DPH6: variants seen among roughly 807,000 people sequenced by gnomAD.
DPH6 encodes the protein diphthamine biosynthesis 6.
Under a neutral mutation model 38.2 loss-of-function variants are expected in DPH6, and 33 were observed. The ratio of observed to expected loss-of-function variants is 0.86; its 90% CI spans 0.65 to 1.15. DPH6 has a LOEUF of 1.15. Ranked by LOEUF, DPH6 falls within the 50% of genes most tolerant of loss-of-function variation. DPH6 has a pLI of 0.00. For synonymous variants in DPH6, 108 were observed against 103.0 expected (o/e 1.05, Z -0.30); for missense variants, 325 against 320.0 (o/e 1.02, Z -0.12).
chr15:35,286,317 T>G (rs1464795631), intron 3 of DPH6, among the ~76,000 whole-genome samples: 1 of 152,220 alleles, frequency 6.6e-6, no homozygotes, highest in African/African-American at 2.4e-5. Flanking sequence ...TTTAGCTACC[T>G]CTTCATTTTC....
At chr15:35,431,226 C>G (rs1488762740) in intron 5 of DPH6, among the ~76,000 whole-genome samples, 1 of 152,156 alleles carries the variant, frequency 6.6e-6, no homozygotes, top group Non-Finnish European at 1.5e-5. Context: ...AAAAGTCATT[C>G]ATAATTACCC....
intron 3 of DPH6, among the ~76,000 whole-genome samples, chr15:35,529,691 T>C (rs933810867): frequency 1.3e-5 from 2 of 152,174 alleles, no homozygotes; most frequent in African/African-American, 4.8e-5. Flanking sequence ...ATGTTTTTAC[T>C]TTCCAATACT....
chr15:35,500,770 G>T (rs935660287), intron 3 of DPH6, among the ~76,000 whole-genome samples: 2 of 152,090 alleles, frequency 1.3e-5, no homozygotes, highest in East Asian at 1.9e-4. Flanking sequence ...ATTCTGTTTT[G>T]TTGTTGTTGT....
At chr15:35,180,024 A>C in the DPH6 span, among the ~76,000 whole-genome samples, 1 of 152,182 alleles carries the variant, frequency 6.6e-6, no homozygotes, top group African/African-American at 2.4e-5. Flanking sequence ...AGGGGCAAAA[A>C]GCAAGGCTCT....
At chr15:35,387,893 G>T (rs553296433) in intron 6 of DPH6, among the ~76,000 whole-genome samples, 2 of 152,106 alleles carry the variant, frequency 1.3e-5, no homozygotes, top group Non-Finnish European at 1.5e-5. Context: ...AATAGGAGTG[G>T]TGAGAGAGGG....
At chr15:35,151,813 G>A in the DPH6 span, among the ~76,000 whole-genome samples, 1 of 152,206 alleles carries the variant, frequency 6.6e-6, no homozygotes, top group African/African-American at 2.4e-5. Context: ...TGAAGTCTAT[G>A]CTAATCATAC....
intron 3 of DPH6, among the ~76,000 whole-genome samples, chr15:35,357,304 G>A (rs568178928): frequency 3.3e-5 from 5 of 152,288 alleles, no homozygotes; most frequent in East Asian, 1.9e-4. Context: ...ACCACTGTCC[G>A]ACACTCCCCA....
chr15:35,187,820 T>C, the DPH6 span, among the ~76,000 whole-genome samples: 8 of 152,096 alleles, frequency 5.3e-5, no homozygotes, highest in Non-Finnish European at 1.0e-4. Context: ...ACCCTGTTTC[T>C]AATTTACAAA....
At chr15:35,209,411 C>T in the DPH6 span, among the ~76,000 whole-genome samples, 4 of 152,072 alleles carry the variant, frequency 2.6e-5, no homozygotes, top group African/African-American at 9.7e-5. Context: ...ACTTTTGATA[C>T]CTGTGGGATA....
chr15:35,290,711 C>A lies in DPH6; in HGVS notation n.201-70129G>T, dbSNP rs185775690. 3.3e-5 allele frequency among the ~76,000 whole-genome samples: 5 copies of A among 152,276 alleles called. No individual in the cohort carries two copies. The East Asian group carries it at 9.7e-4, about 29-fold the overall frequency. ...GCTACAAATAATTACCCACTTCCGTCCCCCTTTCTGCCACTTAAAGCATCC... is the reference window on the plus strand; with the variant it reads ...GCTACAAATAATTACCCACTTCCGTACCCCTTTCTGCCACTTAAAGCATCC... On this transcript the variant is annotated intron_variant and non_coding_transcript_variant, in intron 3 of 3. Coordinates refer to the DPH6 transcript ENST00000560386.
intron 3 of DPH6, among the ~76,000 whole-genome samples, chr15:35,288,305 G>T (rs976042353): frequency 6.6e-6 from 1 of 152,108 alleles, no homozygotes; most frequent in African/African-American, 2.4e-5. Context: ...TAGGAAAAAG[G>T]AAAGGTTTAC....
intron 3 of DPH6, among the ~76,000 whole-genome samples, chr15:35,303,294 T>A (rs1007386947): frequency 6.6e-6 from 1 of 151,934 alleles, no homozygotes; most frequent in Non-Finnish European, 1.5e-5. Flanking sequence ...TGTAGTCAGA[T>A]GAAAGTAATA....
intron 3 of DPH6, among the ~76,000 whole-genome samples, chr15:35,313,298 C>T (rs2140829924): frequency 6.7e-6 from 1 of 150,018 alleles, no homozygotes; most frequent in African/African-American, 2.5e-5. Flanking sequence ...TCTTTTGGCT[C>T]AGGATTGCTT....
intron 5 of DPH6, among the ~76,000 whole-genome samples, chr15:35,436,342 T>C (rs922448699): frequency 6.6e-6 from 1 of 151,398 alleles, no homozygotes; most frequent in Non-Finnish European, 1.5e-5. Context: ...GGTGGGCGCC[T>C]GTACTCCCAG....
chr15:35,203,700 T>A, the DPH6 span, among the ~76,000 whole-genome samples: 1 of 151,764 alleles, frequency 6.6e-6, no homozygotes, highest in Admixed American at 6.6e-5. Context: ...ATTAAATTTA[T>A]GATTAAATTT....
At chr15:35,277,569 G>C (rs2051867515) in intron 3 of DPH6, among the ~76,000 whole-genome samples, 1 of 152,164 alleles carries the variant, frequency 6.6e-6, no homozygotes, top group Non-Finnish European at 1.5e-5. Flanking sequence ...GCAGAAGTTG[G>C]AAGAGTCTGG....
At chr15:35,413,622 C>T (rs2053398307) in intron 5 of DPH6, among the ~76,000 whole-genome samples, 1 of 151,394 alleles carries the variant, frequency 6.6e-6, no homozygotes, top group Admixed American at 6.6e-5. Context: ...TAATATCTTT[C>T]TTATATATAT....
At chr15:35,215,405 T>TA (rs940691181), downstream of DPH6, among the ~76,000 whole-genome samples, 16 of 152,202 alleles carry the variant, frequency 1.1e-4, no homozygotes, top group African/African-American at 2.7e-4. Flanking sequence ...ATCTTTTTTT[T>TA]AGAGACAGGG....
intron 5 of DPH6, among the ~76,000 whole-genome samples, chr15:35,441,199 T>C (rs1296954747): frequency 6.6e-6 from 1 of 152,216 alleles, no homozygotes; most frequent in Non-Finnish European, 1.5e-5. Context: ...AGAATGCTTT[T>C]ACACTGTTGG....
Sources: allele counts gnomAD v4.1 joint callset (sites outside exome capture counted in the v4.1 genomes callset), GRCh38; gene constraint gnomAD v4.1.1; transcripts MANE v1.5; gene names NCBI Gene and HGNC (gene_info 2026-07-23, HGNC 2026-07-21).